POLQ: variants seen among roughly 807,000 people sequenced by gnomAD.
The protein encoded by POLQ is epididymis secretory sperm binding protein.
In POLQ, 233 loss-of-function variants were observed where a neutral mutation model predicts 259.2. The ratio of observed to expected loss-of-function variants is 0.90; its 90% CI spans 0.81 to 1.00. POLQ has a LOEUF of 1.00. Among genes scored for constraint, POLQ ranks in the 50% least tolerant of loss-of-function variants. The pLI is 0.00. For synonymous variants in POLQ, 1,025 were observed against 1,048.8 expected, an observed-to-expected ratio of 0.98 and a Z score of 0.44; for missense variants, 2,871 against 3,051.6, an observed-to-expected ratio of 0.94 and a Z score of 1.39.
chr3:121,450,764 G>A (rs1287019265), intron 25 of POLQ, among the ~76,000 whole-genome samples: 1 of 152,074 alleles, frequency 6.6e-6, no homozygotes, highest in African/African-American at 2.4e-5. Context: ...ACAATTATGT[G>A]TCTTGGAGTT....
At chr3:121,438,211 T>A (rs528187310) in intron 27 of POLQ, among the ~76,000 whole-genome samples, 5 of 152,184 alleles carry the variant, frequency 3.3e-5, no homozygotes, top group Non-Finnish European at 7.3e-5. Flanking sequence ...TATTCCTAAT[T>A]CAGAGGGCTG....
chr3:121,482,675 G>A (rs2047980452), intron 18 of POLQ, among the ~76,000 whole-genome samples: 1 of 151,844 alleles, frequency 6.6e-6, no homozygotes, highest in Admixed American at 6.6e-5. Context: ...TTCCTCATAA[G>A]ACTAGGAGTC....
chr3:121,476,770 G>C, intron 19 of POLQ, 37 bp from the exon 20 acceptor site: 1 of 1,396,738 alleles, frequency 7.2e-7, no homozygotes, highest in Non-Finnish European at 9.9e-7. Context: ...TTAATTCATT[G>C]GCTAAGTGGC....
chr3:121,531,833 T>C (rs900386000), intron 6 of POLQ, among the ~76,000 whole-genome samples: 3 of 152,194 alleles, frequency 2.0e-5, no homozygotes, highest in African/African-American at 7.2e-5. Flanking sequence ...AGGCGAAATA[T>C]GGGGCACAGA....
At chr3:121,510,821 C>T (rs1001988633) in intron 10 of POLQ, among the ~76,000 whole-genome samples, 1 of 152,210 alleles carries the variant, frequency 6.6e-6, no homozygotes, top group East Asian at 1.9e-4. Context: ...CACGGTGGCT[C>T]ACGCCTGTAA....
chr3:121,439,859 T>G, intron 27 of POLQ, 133 bp downstream of exon 27: 1 of 750,524 alleles, frequency 1.3e-6, no homozygotes, highest in South Asian at 1.8e-5. Context: ...AACCAATGGT[T>G]GACGTTGTCT....
In POLQ at chr3:121,511,938, T is replaced by A. The variant is rs776090817; in HGVS notation, c.1560A>T (p.Gln520His). The part of the protein sequence containing the change: ...GSLKPVRSCL[Q>H]RREGEEVTGS... ...CAGTTACTTCTTCTCCTTCTCGTCT[T>A]TGCAGACAGCTGCGAACAGGCTTTA... Residue 520 changes from glutamine to histidine, a missense_variant, in exon 10 of 30, where the codon CAA (glutamine) becomes CAT (histidine). Around this residue, in one of 3 missense-constraint regions of POLQ, gnomAD observed 783 missense variants for 906.2 expected, o/e 0.86. Coordinates refer to ENST00000264233, the MANE Select transcript of POLQ (RefSeq NM_199420.4). 1 of 1,614,066 alleles carries A rather than the reference T, an allele frequency of 6.2e-7. No individual in the cohort carries two copies. The highest frequency in any genetic ancestry group is 1.3e-5 in the African/African-American group (1 of 75,068).
In POLQ at chr3:121,511,981, G is replaced by C; in HGVS notation, c.1517C>G (p.Ala506Gly). The change falls in exon 10 of 30, where the codon GCT becomes GGT. Residue 506 changes from alanine (A) to glycine (G), a missense_variant. Ala to Gly is a moderately conservative substitution (Grantham distance 60). Around this residue, in one of 3 missense-constraint regions of POLQ, gnomAD observed 783 missense variants for 906.2 expected, o/e 0.86. Transcript: ENST00000264233. Reference protein sequence around the residue: ...CKNSEKSKGIALLQGSLKPVR... With the variant: ...CKNSEKSKGIGLLQGSLKPVR... ...AGGCTTTAGAGAACCCTGAAGGAGA[G>C]CTATGCCTTTTGATTTCTCAGAGTT... is the stretch of plus-strand genomic sequence containing the variant. The C allele has an allele frequency of 4.3e-6, 7 of 1,613,204 alleles. No homozygotes were observed. Among genetic ancestry groups the C allele is most frequent in the Non-Finnish European group, 5.9e-6 (7 of 1,179,194 alleles).
intron 25 of POLQ, among the ~76,000 whole-genome samples, chr3:121,459,538 C>T (rs1346442597): frequency 2.6e-5 from 4 of 152,110 alleles, no homozygotes; most frequent in Admixed American, 1.3e-4. Flanking sequence ...CCCACCACCA[C>T]GGCCAGCTAA....
At chr3:121,506,911 G>A (rs2048213056) in intron 12 of POLQ, among the ~76,000 whole-genome samples, 1 of 151,746 alleles carries the variant, frequency 6.6e-6, no homozygotes, top group Middle Eastern at 3.4e-3. Context: ...CTACACGACA[G>A]AATTATAGGT....
Position 121,488,627 on chromosome 3 carries a change from A to G in POLQ, c.4304T>C (p.Val1435Ala). 4 of 1,602,098 alleles carry G rather than the reference A, an allele frequency of 2.5e-6. No individual in the cohort carries two copies. Among genetic ancestry groups the G allele is most frequent in the Admixed American group, 1.8e-5 (1 of 56,616 alleles). The change falls in exon 16 of 30, where the codon GTT becomes GCT. Residue 1435 changes from valine to alanine, a missense_variant. This residue lies in a region of POLQ where 2,080 missense variants were observed against 2,126.0 expected (regional missense o/e 0.98). Coordinates refer to ENST00000264233, the MANE Select transcript of POLQ (RefSeq NM_199420.4). ...ATTTAATTGTGAATCAGTAACAGAA[A>G]CTTCATTCTTTTTTAAAAAAAGACC... The part of the protein sequence containing the change: ...ENGLFLKKNE[V>A]SVTDSQLNSF...
rs778745353 is a variant in POLQ at position 121,450,159 on chromosome 3, C to A, written c.7153-733G>T. On this transcript the variant is annotated intron_variant, in intron 25 of 29. Transcript: ENST00000264233. ...AAAATGAAGACAGTAATATCTGCAT[C>A]ATGGGATTGTTAGGTTTAAATGAGT... 2.7e-4 allele frequency among the ~76,000 whole-genome samples: 41 copies of A among 152,088 alleles called. 1 individual carries two copies. The highest frequency in any genetic ancestry group is 7.4e-5 in the Non-Finnish European group (5 of 68,014).
Position 121,490,533 on chromosome 3 carries a change from G to A in POLQ, c.2523-125C>T, listed in dbSNP as rs1383920384. The A allele has an allele frequency of 3.9e-6, 3 of 765,490 alleles. No individual in the cohort carries two copies. The African/African-American group carries it at 5.2e-5, about 13-fold the overall frequency. 47.4% of individuals were successfully genotyped at this position (765,490 alleles called of 1,614,324 possible). ...ATAACAATGAAGAAGAGAGAGAAATGTATCTGCTCTCATGGCACATTCTAG... is the reference window on the plus strand; with the variant it reads ...ATAACAATGAAGAAGAGAGAGAAATATATCTGCTCTCATGGCACATTCTAG... On this transcript the variant is annotated intron_variant, in intron 15 of 29. Transcript: ENST00000264233.
At chr3:121,476,268 T>C (rs2047924568) in intron 20 of POLQ, among the ~76,000 whole-genome samples, 1 of 152,228 alleles carries the variant, frequency 6.6e-6, no homozygotes, top group South Asian at 2.1e-4. Flanking sequence ...AAATACTTAG[T>C]GAGTCCCTCC....
intron 26 of POLQ, among the ~76,000 whole-genome samples, chr3:121,447,059 G>A (rs1201680573): frequency 1.1e-5 from 1 of 93,808 alleles, no homozygotes; most frequent in African/African-American, 3.0e-5. Flanking sequence ...TTTAATAAAG[G>A]TGATTTTTTC....
Position 121,460,151 on chromosome 3 carries a change from C to T in POLQ, c.7051G>A (p.Val2351Met), listed in dbSNP as rs1459221658. 3.1e-6 allele frequency: 5 copies of T among 1,613,492 alleles called. No homozygotes were observed. The African/African-American group carries it at 5.3e-5, about 17-fold the overall frequency. Residue 2351 changes from valine to methionine, a missense_variant, in exon 25 of 30, where the codon GTG becomes ATG. By Grantham distance (21) the Val-to-Met change is conservative. Around this residue, in one of 3 missense-constraint regions of POLQ, gnomAD observed 2,080 missense variants for 2,126.0 expected, o/e 0.98. Transcript: ENST00000264233. ...HLSHDRRLIQVLNTGADVFRS... is the reference protein window; with the variant it reads ...HLSHDRRLIQMLNTGADVFRS... ...AAAACATCAGCTCCAGTGTTTAACA[C>T]TTGAATGAGACGACGATCATGGGAT...
Position 121,436,104 on chromosome 3 carries a change from C to A in POLQ, c.7543+18G>T, listed in dbSNP as rs1369151070. ...TATTCTCATCATGTTACAGCACAGGCCTCATCTATGAACAAACCTGTTTGG... is the reference window on the plus strand; with the variant it reads ...TATTCTCATCATGTTACAGCACAGGACTCATCTATGAACAAACCTGTTTGG... On this transcript the variant is annotated intron_variant, in intron 28 of 29. Transcript: ENST00000264233. 1 of 1,594,568 alleles carries A rather than the reference C, an allele frequency of 6.3e-7. No homozygotes were observed. Among genetic ancestry groups the A allele is most frequent in the East Asian group, 2.2e-5 (1 of 44,802 alleles).
At chr3:121,457,335 A>C (rs950322576) in intron 25 of POLQ, among the ~76,000 whole-genome samples, 1 of 152,222 alleles carries the variant, frequency 6.6e-6, no homozygotes, top group Non-Finnish European at 1.5e-5. Context: ...CAAGGACTTC[A>C]TGTCTAAAAC....
In POLQ at chr3:121,510,221, C is replaced by T; in HGVS notation, c.1634G>A (p.Ser545Asn). The T allele has an allele frequency of 6.2e-7, 1 of 1,612,326 alleles. No individual in the cohort carries two copies. The highest frequency in any genetic ancestry group is 8.5e-7 in the Non-Finnish European group (1 of 1,178,380). ...ATAAGTATGCATATCTTGTGATGTA[C>T]TTGCCACTCCACCAACTATTATCTG... ...ILEIIVGGVA[S>N]TSQDMHTYAA... Residue 545 changes from serine (S) to asparagine (N), a missense_variant, in exon 11 of 30, where the codon AGT (serine) becomes AAT (asparagine). By Grantham distance (46) the Ser-to-Asn change is conservative. Transcript: ENST00000264233.
Sources: allele counts gnomAD v4.1 joint callset (sites outside exome capture counted in the v4.1 genomes callset), GRCh38; gene constraint gnomAD v4.1.1; regional missense constraint gnomAD v4.1.1; transcripts MANE v1.5; gene names NCBI Gene and HGNC (gene_info 2026-07-23, HGNC 2026-07-21).